ADGRL3: variants seen among roughly 807,000 people sequenced by gnomAD.
ADGRL3 encodes the protein calcium-independent alpha-latrotoxin receptor 3.
ADGRL3 carries 62 observed loss-of-function variants against 153.5 expected under a neutral mutation model. The ratio of observed to expected loss-of-function variants is 0.40; its 90% confidence interval spans 0.33 to 0.50. ADGRL3 has a LOEUF of 0.50. Ranked by LOEUF, ADGRL3 falls within the 20% of genes least tolerant of loss-of-function variation. ADGRL3 has a pLI of 0.47. For missense variants in ADGRL3, 1,641 were observed against 1,859.4 expected, an observed-to-expected ratio of 0.88 and a Z score of 2.16; for synonymous variants, 710 against 672.5, an observed-to-expected ratio of 1.06 and a Z score of -0.86.
intron 9 of ADGRL3, among the ~76,000 whole-genome samples, chr4:61,851,295 A>T (rs80089481): frequency 0.089 from 13,476 of 152,124 alleles, 644 homozygotes; most frequent in Middle Eastern, 0.11. Flanking sequence ...GTTAATAAAA[A>T]GTGAGGTGTG....
chr4:61,743,598 G>C (rs1440214851), intron 8 of ADGRL3, among the ~76,000 whole-genome samples: 1 of 152,134 alleles, frequency 6.6e-6, no homozygotes, highest in Non-Finnish European at 1.5e-5. Flanking sequence ...TAATTTGGCT[G>C]TTAGCATTCA....
intron 8 of ADGRL3, among the ~76,000 whole-genome samples, chr4:61,803,766 A>G (rs530200697): frequency 6.6e-6 from 1 of 152,086 alleles, no homozygotes; most frequent in Non-Finnish European, 1.5e-5. Flanking sequence ...TCTAATACAC[A>G]GTATCTTAAA....
At chr4:61,289,383 A>G (rs1384716657) in intron 1 of ADGRL3, among the ~76,000 whole-genome samples, 5 of 152,076 alleles carry the variant, frequency 3.3e-5, no homozygotes, top group Non-Finnish European at 7.4e-5. Context: ...TTATAATTCT[A>G]CCAAACATAA....
At chr4:61,743,253 G>T (rs1362103628) in intron 8 of ADGRL3, among the ~76,000 whole-genome samples, 3 of 148,364 alleles carry the variant, frequency 2.0e-5, no homozygotes, top group African/African-American at 7.5e-5. Context: ...CCAGGAGGCG[G>T]AGCTTGCAGT....
intron 8 of ADGRL3, among the ~76,000 whole-genome samples, chr4:61,777,976 A>G (rs563667989): frequency 3.9e-5 from 6 of 152,290 alleles, no homozygotes; most frequent in Non-Finnish European, 8.8e-5. Context: ...CAGATTGAGC[A>G]TCTCTAACGT....
In ADGRL3 at chr4:61,641,721, A is replaced by G. The variant is rs553575207; in HGVS notation, c.474-35105A>G. Among the ~76,000 whole-genome samples the G allele has an allele frequency of 5.3e-5, 8 of 151,740 alleles. No homozygotes were observed. In the East Asian group the frequency reaches 1.2e-3, roughly 22 times the overall value. On this transcript the variant is annotated intron_variant, in intron 5 of 26. Transcript: ENST00000683033. ...TTTGGGTTGGTTCCAAGTCTTTGCTATTGTGAATAATGCCACAATAAACAT... is the reference window on the plus strand; with the variant it reads ...TTTGGGTTGGTTCCAAGTCTTTGCTGTTGTGAATAATGCCACAATAAACAT...
chr4:61,534,369 T>A (rs1437615636), intron 4 of ADGRL3, among the ~76,000 whole-genome samples: 1 of 152,154 alleles, frequency 6.6e-6, no homozygotes, highest in Non-Finnish European at 1.5e-5. Flanking sequence ...AGTCAGGAAA[T>A]GTGATGTCTC....
chr4:61,818,665 AAC>A (rs2097715555), intron 9 of ADGRL3, among the ~76,000 whole-genome samples: 1 of 152,194 alleles, frequency 6.6e-6, no homozygotes, highest in African/African-American at 2.4e-5. Context: ...ACCAAAGTCC[AAC>A]AGTCATTTCT....
intron 11 of ADGRL3, among the ~76,000 whole-genome samples, chr4:61,904,322 T>A (rs1426506370): frequency 6.6e-6 from 1 of 151,992 alleles, no homozygotes; most frequent in Non-Finnish European, 1.5e-5. Context: ...TTTGCCTGGC[T>A]ATTTTTTGTA....
At chr4:61,443,696 CATTTT>C (rs759735069) in intron 2 of ADGRL3, among the ~76,000 whole-genome samples, 3 of 152,038 alleles carry the variant, frequency 2.0e-5, no homozygotes, top group Non-Finnish European at 4.4e-5. Context: ...TCTCTATACT[CATTTT>C]ATTCCTCACT....
intron 3 of ADGRL3, among the ~76,000 whole-genome samples, chr4:61,498,131 A>AT (rs1200614174): frequency 6.6e-6 from 1 of 152,146 alleles, no homozygotes; most frequent in Non-Finnish European, 1.5e-5. Context: ...CCAAGTAATT[A>AT]TTTTTTCTCT....
At chr4:61,869,083 C>G (rs1322207254) in intron 9 of ADGRL3, among the ~76,000 whole-genome samples, 1 of 152,156 alleles carries the variant, frequency 6.6e-6, no homozygotes, top group African/African-American at 2.4e-5. Context: ...GCTGGGACTA[C>G]AGGCACACAC....
chr4:61,296,270 CAG>C (rs1268291823), intron 1 of ADGRL3, among the ~76,000 whole-genome samples: 1 of 152,062 alleles, frequency 6.6e-6, no homozygotes, highest in Non-Finnish European at 1.5e-5. Flanking sequence ...AAATCAGAAT[CAG>C]AACTTGACAG....
intron 5 of ADGRL3, among the ~76,000 whole-genome samples, chr4:61,614,021 C>T (rs1450129231): frequency 6.6e-6 from 1 of 151,980 alleles, no homozygotes; most frequent in East Asian, 1.9e-4. Flanking sequence ...GAATTTATTT[C>T]TCCACGTTTA....
intron 1 of ADGRL3, among the ~76,000 whole-genome samples, chr4:61,357,319 A>C (rs1377408803): frequency 6.6e-6 from 1 of 152,146 alleles, no homozygotes; most frequent in Non-Finnish European, 1.5e-5. Context: ...ATATAATTAT[A>C]ATTTAAAAAT....
Position 61,552,398 on chromosome 4 carries a change from A to G in ADGRL3, c.260-34829A>G, listed in dbSNP as rs146520878. On this transcript the variant is annotated intron_variant, in intron 4 of 26. Transcript: ENST00000683033. ...TATCACTGGGTGAGTACCACAAAAC[A>G]GACTCCCATTTTCTTTTGAATCTGT... Among the ~76,000 whole-genome samples, 702 of 152,328 alleles carry G rather than the reference A, an allele frequency of 4.6e-3. 6 individuals carry two copies. The highest frequency in any genetic ancestry group is 0.016 in the African/African-American group (666 of 41,576).
Position 62,075,289 on chromosome 4 carries a change from G to T in ADGRL3, c.*4381G>T, listed in dbSNP as rs1234490877. On this transcript the variant is annotated 3_prime_UTR_variant, in exon 27 of 27. Coordinates refer to ENST00000683033, the MANE Select transcript of ADGRL3 (RefSeq NM_001387552.1). The stretch of plus-strand genomic sequence containing the variant: ...CAGCCTCAGACTCTTGGGCTCAAGT[G>T]ATCCTGCTGTCTCAGCCTTCTGCGT... 2 of 152,100 alleles carry T rather than the reference G, an allele frequency of 1.3e-5. No homozygotes were observed. Among genetic ancestry groups the T allele is most frequent in the African/African-American group, 4.8e-5 (2 of 41,408 alleles). The allele number at this position is 152,100 out of a possible 1,614,324, so 9.4% of individuals were successfully genotyped here. A position where few individuals can be genotyped will look rare whatever the true frequency, so the allele number is the denominator to read the frequency against.
chr4:61,786,182 A>G (rs1484127401), intron 8 of ADGRL3, among the ~76,000 whole-genome samples: 1 of 152,220 alleles, frequency 6.6e-6, no homozygotes, highest in Non-Finnish European at 1.5e-5. Context: ...AAGCCATTCA[A>G]TGTTGGTTTG....
chr4:61,797,317 CA>C (rs2097426829), intron 8 of ADGRL3, among the ~76,000 whole-genome samples: 1 of 152,026 alleles, frequency 6.6e-6, no homozygotes, highest in African/African-American at 2.4e-5. Context: ...TAATTTTAAA[CA>C]AATATTGGAA....
Sources: allele counts gnomAD v4.1 joint callset (sites outside exome capture counted in the v4.1 genomes callset), GRCh38; gene constraint gnomAD v4.1.1; transcripts MANE v1.5; gene names NCBI Gene and HGNC (gene_info 2026-07-23, HGNC 2026-07-21).